The following NEK10 variants were observed in gnomAD, a reference collection of about 807,000 sequenced individuals.
The protein encoded by NEK10 is serine/threonine-protein kinase Nek10.
A neutral mutation model predicts 159.8 loss-of-function variants in NEK10; 122 were observed. That is an observed-to-expected ratio of 0.76 (90% CI 0.66 to 0.89). The LOEUF (loss-of-function observed/expected upper bound fraction) is 0.89. NEK10 is among the 40% of genes least tolerant of loss of function. The pLI, the probability that NEK10 is intolerant of heterozygous loss-of-function variation, is 0.00. For missense variants in NEK10, 1,342 were observed against 1,323.1 expected, an observed-to-expected ratio of 1.01 and a Z score of -0.22; for synonymous variants, 466 against 457.1, an observed-to-expected ratio of 1.02 and a Z score of -0.25.
chr3:27,174,758 C>A lies in NEK10; in HGVS notation c.2581G>T (p.Ala861Ser), dbSNP rs539373085. 3.7e-6 allele frequency: 6 copies of A among 1,613,074 alleles called. No individual in the cohort carries two copies. Among genetic ancestry groups the A allele is most frequent in the Admixed American group, 1.7e-5 (1 of 59,792 alleles). Reference sequence around the variant, plus strand: ...TGGAAGCCTTCAGGGGGCAGGTCTGCGCTTTCTGAAAGTTCACTTTTCAGG... The same window carrying A: ...TGGAAGCCTTCAGGGGGCAGGTCTGAGCTTTCTGAAAGTTCACTTTTCAGG... The part of the protein sequence containing the change: ...ASLKSELSES[A>S]DLPPEGFQAS... The change falls in exon 27 of 36, where the codon GCA becomes TCA. Residue 861 changes from alanine (A) to serine (S), a missense_variant. Coordinates refer to ENST00000691995, the MANE Select transcript of NEK10 (RefSeq NM_001394966.1).
intron 7 of NEK10, 42 bp downstream of exon 7, chr3:27,314,255 A>C (rs1162185184): frequency 1.3e-6 from 2 of 1,504,148 alleles, no homozygotes; most frequent in African/African-American, 2.8e-5. Flanking sequence ...TAGCAGGCAC[A>C]AAATGAAAAG....
intron 32 of NEK10, among the ~76,000 whole-genome samples, chr3:27,126,818 G>T (rs1481873148): frequency 6.6e-6 from 1 of 151,556 alleles, no homozygotes; most frequent in Non-Finnish European, 1.5e-5. Flanking sequence ...AGCCCCTATT[G>T]TGTCTTAGTG....
chr3:27,132,346 A>G (rs1942721201), intron 31 of NEK10, among the ~76,000 whole-genome samples: 1 of 152,220 alleles, frequency 6.6e-6, no homozygotes, highest in Non-Finnish European at 1.5e-5. Flanking sequence ...TTAGGTGCTT[A>G]TAATATGCCT....
At chr3:27,344,619 T>C (rs921794358) in intron 4 of NEK10, among the ~76,000 whole-genome samples, 1 of 152,230 alleles carries the variant, frequency 6.6e-6, no homozygotes, top group Admixed American at 6.5e-5. Context: ...CAAGCATATG[T>C]ATTTCCTTTT....
At chr3:27,329,839 GC>G (rs201690945) in intron 5 of NEK10, among the ~76,000 whole-genome samples, 9,100 of 152,188 alleles carry the variant, frequency 0.06, 347 homozygotes, top group Middle Eastern at 0.15. Flanking sequence ...ATCAAATGAG[GC>G]TTAAGAAGGT....
At chr3:27,247,820 CTTTTT>C (rs111440414) in intron 23 of NEK10, among the ~76,000 whole-genome samples, 1 of 125,896 alleles carries the variant, frequency 7.9e-6, no homozygotes, top group Non-Finnish European at 1.7e-5. Flanking sequence ...CTTTTCTTTT[CTTTTT>C]TTTTTTTTTT....
chr3:27,351,817 C>T (rs1390251442), intron 3 of NEK10, among the ~76,000 whole-genome samples: 2 of 152,116 alleles, frequency 1.3e-5, no homozygotes, highest in South Asian at 2.1e-4. Flanking sequence ...CTGCTATTTT[C>T]ATTATTATTA....
intron 25 of NEK10, among the ~76,000 whole-genome samples, chr3:27,192,598 A>G (rs1250151690): frequency 1.2e-4 from 2 of 17,284 alleles, no homozygotes; most frequent in Non-Finnish European, 1.1e-4. Flanking sequence ...GGCAGGTGGA[A>G]AAAAAAAAAA....
At chr3:27,305,628 A>AAATAAT (rs1553627492) in intron 11 of NEK10, among the ~76,000 whole-genome samples, 15 of 148,930 alleles carry the variant, frequency 1.0e-4, no homozygotes, top group South Asian at 4.2e-4. Context: ...AAAAAAAAAA[A>AAATAAT]AATAATAATA....
intron 33 of NEK10, among the ~76,000 whole-genome samples, chr3:27,116,398 A>C (rs1018021826): frequency 6.6e-6 from 1 of 152,066 alleles, no homozygotes; most frequent in Non-Finnish European, 1.5e-5. Context: ...ATAAAGTTAG[A>C]GGTGTGTGTG....
chr3:27,124,318 G>C (rs955955922), intron 32 of NEK10, among the ~76,000 whole-genome samples: 1 of 152,292 alleles, frequency 6.6e-6, no homozygotes, highest in Admixed American at 6.5e-5. Flanking sequence ...TAATGCAAGA[G>C]AGAAGGGCCC....
intron 32 of NEK10, among the ~76,000 whole-genome samples, chr3:27,128,933 T>C (rs1367420837): frequency 6.6e-6 from 1 of 152,158 alleles, no homozygotes; most frequent in Non-Finnish European, 1.5e-5. Flanking sequence ...GATTAGTTTC[T>C]CGACTATTTC....
intron 30 of NEK10, among the ~76,000 whole-genome samples, chr3:27,152,003 A>T (rs555933586): frequency 6.6e-6 from 1 of 152,300 alleles, no homozygotes; most frequent in Non-Finnish European, 1.5e-5. Flanking sequence ...TATGTTAAAC[A>T]ACCCAATACC....
intron 12 of NEK10, among the ~76,000 whole-genome samples, chr3:27,302,821 G>A (rs1054927715): frequency 2.6e-5 from 4 of 152,132 alleles, no homozygotes; most frequent in Non-Finnish European, 4.4e-5. Context: ...GCTAGGCCTA[G>A]GGACAGTCAC....
intron 23 of NEK10, among the ~76,000 whole-genome samples, chr3:27,240,409 T>C (rs953256404): frequency 6.6e-6 from 1 of 151,888 alleles, no homozygotes; most frequent in African/African-American, 2.4e-5. Context: ...CATAACTAAA[T>C]AATTATGGTG....
At chr3:27,120,426 G>T (rs1043485124) in intron 32 of NEK10, among the ~76,000 whole-genome samples, 21 of 151,394 alleles carry the variant, frequency 1.4e-4, no homozygotes, top group African/African-American at 4.9e-4. Context: ...ATGCTCAAGG[G>T]ATTCTCCTGC....
chr3:27,208,160 G>C (rs1421334453), intron 23 of NEK10, among the ~76,000 whole-genome samples: 2 of 152,026 alleles, frequency 1.3e-5, no homozygotes, highest in Non-Finnish European at 1.5e-5. Flanking sequence ...CCATCACTAT[G>C]GTACGATAGG....
At chr3:27,231,707 C>T (rs561691984) in intron 23 of NEK10, among the ~76,000 whole-genome samples, 1 of 151,910 alleles carries the variant, frequency 6.6e-6, no homozygotes, top group South Asian at 2.1e-4. Flanking sequence ...TTCAGGGCTA[C>T]TATGAACACC....
At chr3:27,140,248 T>G (rs1163411713) in intron 31 of NEK10, among the ~76,000 whole-genome samples, 1 of 152,144 alleles carries the variant, frequency 6.6e-6, no homozygotes, top group East Asian at 1.9e-4. Context: ...AGTGAAGAGT[T>G]ATAGCTTCTC....
Sources: allele counts gnomAD v4.1 joint callset (sites outside exome capture counted in the v4.1 genomes callset), GRCh38; gene constraint gnomAD v4.1.1; transcripts MANE v1.5; gene names NCBI Gene and HGNC (gene_info 2026-07-23, HGNC 2026-07-21).